CARD14: variants seen among roughly 807,000 people sequenced by gnomAD.
The protein encoded by CARD14 is caspase recruitment domain-containing protein 14.
Under a neutral mutation model 111.5 loss-of-function variants are expected in CARD14, and 107 were observed. That is an observed-to-expected ratio of 0.96 (90% CI 0.82 to 1.13). The LOEUF (loss-of-function observed/expected upper bound fraction) is 1.13, where lower values mean the gene tolerates loss of function less well. Ranked by LOEUF, CARD14 falls within the 50% of genes most tolerant of loss-of-function variation. The probability of loss-of-function intolerance (pLI) is 0.00; values close to 1 mark genes in which losing one functional copy is unlikely to be tolerated. For missense variants in CARD14, 1,322 were observed against 1,362.3 expected, an observed-to-expected ratio of 0.97 and a Z score of 0.47; for synonymous variants, 617 against 579.6, an observed-to-expected ratio of 1.06 and a Z score of -0.93.
chr17:80,172,582 C>T (rs1033043986), intron 1 of CARD14, among the ~76,000 whole-genome samples: 11 of 152,206 alleles, frequency 7.2e-5, no homozygotes, highest in African/African-American at 2.7e-4. Context: ...GCTGGTGTCC[C>T]CGCTGTAGCT....
Position 80,204,262 on chromosome 17 carries a change from C to T in CARD14, c.2319C>T (p.Ile773=), listed in dbSNP as rs747692472. 7 of 1,598,694 alleles carry T rather than the reference C, an allele frequency of 4.4e-6. No individual in the cohort carries two copies. The highest frequency in any genetic ancestry group is 5.1e-6 in the Non-Finnish European group (6 of 1,168,128). Residue 773 remains isoleucine, a synonymous_variant, in exon 20 of 24, where the codon ATC becomes ATT. Coordinates refer to ENST00000648509, the MANE Select transcript of CARD14 (RefSeq NM_001366385.1). ...SSGGPQKLVR[I]VSMDKAKASP... is the part of the protein sequence containing the mutation. ...GGGGACCACAGAAGCTGGTCCGCAT[C>T]GTCAGTATGGACAAAGCCAAGGCCA...
chr17:80,180,742 A>G (rs1017559828), intron 4 of CARD14, among the ~76,000 whole-genome samples: 43 of 145,336 alleles, frequency 3.0e-4, no homozygotes. Flanking sequence ...CCCTACTGTT[A>G]TTTGTTTGTT....
intron 7 of CARD14, chr17:80,187,914 G>C: frequency 1.0e-6 from 1 of 985,714 alleles, no homozygotes; most frequent in Non-Finnish European, 1.2e-6. Flanking sequence ...CCCCGGTCCC[G>C]CGTTCCCAGG....
In CARD14 at chr17:80,195,235, G is replaced by C. The variant is rs747400015; in HGVS notation, c.1401G>C (p.Leu467=). 2.1e-5 allele frequency: 34 copies of C among 1,612,140 alleles called. No individual in the cohort carries two copies. In the South Asian group the frequency reaches 3.6e-4, roughly 17 times the overall value. Residue 467 remains leucine, a synonymous_variant, in exon 13 of 24, where the codon CTG becomes CTC. Transcript: ENST00000648509. The surrounding 1 kb of genome is among the most constrained non-coding windows in gnomAD (Gnocchi z 4.7). ...SDLSATSSRE[L]VDSFRSSSPA... ...TGAGTGCCACGTCCAGCCGCGAGCTGGTGGACAGCTTCCGCTCCAGCAGCC... is the reference window on the plus strand; with the variant it reads ...TGAGTGCCACGTCCAGCCGCGAGCTCGTGGACAGCTTCCGCTCCAGCAGCC...
chr17:80,178,281 G>T (rs114435089), intron 2 of CARD14, among the ~76,000 whole-genome samples: 76 of 152,290 alleles, frequency 5.0e-4, no homozygotes, highest in African/African-American at 1.8e-3. Context: ...GTAGTCTAGG[G>T]TTCAAAGCCC....
rs2041243424 is a variant in CARD14 at position 80,205,414 on chromosome 17, TAAG to T, written c.2570-112_2570-110del. On this transcript the variant is annotated intron_variant, in intron 21 of 23. Coordinates refer to ENST00000648509, the MANE Select transcript of CARD14 (RefSeq NM_001366385.1). ...GGTCAGGTTTGTAAAGTGGACATCCTAAGAAGAGCTTCTCCCAGTGCTGGCAGG... is the reference window on the plus strand; with the variant it reads ...GGTCAGGTTTGTAAAGTGGACATCCTAAGAGCTTCTCCCAGTGCTGGCAGG... 9.3e-6 allele frequency: 13 copies of T among 1,405,062 alleles called. No homozygotes were observed. The Admixed American group carries it at 1.3e-4, about 14-fold the overall frequency. The allele number at this position is 1,405,062 out of a possible 1,614,324, so 87.0% of individuals were successfully genotyped here. A position where few individuals can be genotyped will look rare whatever the true frequency, so the allele number is the denominator to read the frequency against.
At chr17:80,180,327 G>A (rs781564402) in intron 4 of CARD14, among the ~76,000 whole-genome samples, 17 of 152,344 alleles carry the variant, frequency 1.1e-4, no homozygotes, top group Non-Finnish European at 2.5e-4. Flanking sequence ...CCCCAGATCA[G>A]CTGCAGCTCA....
At chr17:80,190,987 C>A (rs55952112) in intron 10 of CARD14, 88 bp downstream of exon 10, 1 of 1,516,632 alleles carries the variant, frequency 6.6e-7, no homozygotes, top group Non-Finnish European at 8.9e-7. Flanking sequence ...TGGCTCCCTG[C>A]CCTTGATGGC....
chr17:80,208,281 G>C lies in CARD14; in HGVS notation c.2951G>C (p.Cys984Ser), dbSNP rs370253085. ...GWSDLDGLLSCVRQAIADEQK... is the reference protein window; with the variant it reads ...GWSDLDGLLSSVRQAIADEQK... ...AGCGACCTGGACGGCCTGCTCAGCT[G>C]TGTCCGCCAGGCCATCGCCGACGAG... Residue 984 changes from cysteine (C) to serine (S), a missense_variant, in exon 24 of 24, where the codon TGT (cysteine) becomes TCT (serine). Transcript: ENST00000648509. The C allele has an allele frequency of 6.2e-7, 1 of 1,600,080 alleles. No individual in the cohort carries two copies. Among genetic ancestry groups the C allele is most frequent in the Non-Finnish European group, 8.5e-7 (1 of 1,174,948 alleles).
At position 80,189,630 on chromosome 17, in the gene CARD14, TG is replaced by T; in HGVS notation, c.844-121del. The T allele has an allele frequency of 8.1e-7, 1 of 1,233,532 alleles. No homozygotes were observed. The highest frequency in any genetic ancestry group is 1.1e-6 in the Non-Finnish European group (1 of 932,406). The allele number at this position is 1,233,532 out of a possible 1,614,324, so 76.4% of individuals were successfully genotyped here. On this transcript the variant is annotated intron_variant, in intron 8 of 23. Coordinates refer to ENST00000648509, the MANE Select transcript of CARD14 (RefSeq NM_001366385.1). This position sits in a 1 kb window ranked among gnomAD's most constrained non-coding sequence, Gnocchi z 4.7. ...GGCTTCTCTCCTGCCCGGTGTAGAGTGGCAAGACTGCATCCGTCCACACACC... is the reference window on the plus strand; with the variant it reads ...GGCTTCTCTCCTGCCCGGTGTAGAGTGCAAGACTGCATCCGTCCACACACC...
At chr17:80,190,628 A>ATG in intron 9 of CARD14, 146 bp from the exon 10 acceptor site, 1 of 481,432 alleles carries the variant, frequency 2.1e-6, no homozygotes, top group Non-Finnish European at 3.3e-6. Context: ...AAAAAAAAAA[A>ATG]AGAGAGAGAG....
intron 4 of CARD14, among the ~76,000 whole-genome samples, chr17:80,180,569 A>T (rs1281182343): frequency 6.6e-6 from 1 of 152,074 alleles, no homozygotes; most frequent in African/African-American, 2.4e-5. Context: ...AGTTGAAAAC[A>T]ATGGGAACTT....
chr17:80,191,766 G>A (rs969412212), intron 11 of CARD14, among the ~76,000 whole-genome samples: 2 of 152,264 alleles, frequency 1.3e-5, no homozygotes, highest in Admixed American at 1.3e-4. Context: ...TGTGGAGTGT[G>A]GTGATGGATG....
In CARD14 at chr17:80,198,674, C is replaced by T. The variant is rs1280289362; in HGVS notation, c.1851+83C>T. ...GGTGGGGTGACCCAGGCAGACTTCA[C>T]CTCCCCCAGACGATGCAGATCCACT... On this transcript the variant is annotated intron_variant, in intron 16 of 23. Coordinates refer to ENST00000648509, the MANE Select transcript of CARD14 (RefSeq NM_001366385.1). The surrounding 1 kb of genome is among the most constrained non-coding windows in gnomAD (Gnocchi z 7.5). 8.7e-6 allele frequency: 14 copies of T among 1,607,064 alleles called. No homozygotes were observed. Among genetic ancestry groups the T allele is most frequent in the East Asian group, 4.5e-5 (2 of 44,850 alleles).
chr17:80,182,797 G>T lies in CARD14; in HGVS notation c.349+7G>T. 6.2e-7 allele frequency: 1 copy of T among 1,614,078 alleles called. No homozygotes were observed. Among genetic ancestry groups the T allele is most frequent in the Non-Finnish European group, 8.5e-7 (1 of 1,179,944 alleles). On this transcript the variant is annotated splice_region_variant and intron_variant, in intron 6 of 23. Transcript: ENST00000648509. The surrounding 1 kb of genome is among the most constrained non-coding windows in gnomAD (Gnocchi z 4.7). ...GACTTCAGTAACTTTAGCGGTGAGA[G>T]CTCCGACTTTGACGGTTTGGCAGGC... is the stretch of plus-strand genomic sequence containing the variant.
intron 5 of CARD14, 92 bp downstream of exon 5, chr17:80,181,741 G>A (rs1281125186): frequency 3.1e-5 from 37 of 1,176,172 alleles, no homozygotes; most frequent in South Asian, 9.3e-5. Context: ...GTCTCTTCTC[G>A]TCCTGTCTCT....
Position 80,182,666 on chromosome 17 carries a change from T to C in CARD14, c.225T>C (p.Asp75=). ...CTGCCTCCCAAGGGCACTTGCTGGA[T>C]TTGCTGAAGACTCGAGGGAAGAACG... ...NSAMRAGHLL[D]LLKTRGKNGA... The change falls in exon 6 of 24, where the codon GAT becomes GAC. Residue 75 remains aspartate, a synonymous_variant. Coordinates refer to ENST00000648509, the MANE Select transcript of CARD14 (RefSeq NM_001366385.1). The surrounding 1 kb of genome is among the most constrained non-coding windows in gnomAD (Gnocchi z 4.7). 4.3e-6 allele frequency: 7 copies of C among 1,614,064 alleles called. No individual in the cohort carries two copies. Among genetic ancestry groups the C allele is most frequent in the Non-Finnish European group, 5.9e-6 (7 of 1,179,994 alleles).
chr17:80,201,794 G>C lies in CARD14; in HGVS notation c.1902G>C (p.Thr634=). The change falls in exon 17 of 24, where the codon ACG becomes ACC. Residue 634 remains threonine (T), a synonymous_variant. Coordinates refer to ENST00000648509, the MANE Select transcript of CARD14 (RefSeq NM_001366385.1). The surrounding 1 kb of genome is among the most constrained non-coding windows in gnomAD (Gnocchi z 5.0). ...EPLFKAVLED[T]TLEEAVGLLR... ...TGTTCAAGGCAGTCCTGGAGGACACGACCCTGGAGGAGGCCGTGGGGCTTC... is the reference window on the plus strand; with the variant it reads ...TGTTCAAGGCAGTCCTGGAGGACACCACCCTGGAGGAGGCCGTGGGGCTTC... 1 of 1,613,984 alleles carries C rather than the reference G, an allele frequency of 6.2e-7. No individual in the cohort carries two copies. Among genetic ancestry groups the C allele is most frequent in the South Asian group, 1.1e-5 (1 of 91,074 alleles).
intron 4 of CARD14, among the ~76,000 whole-genome samples, chr17:80,180,310 G>A (rs1384065860): frequency 6.6e-6 from 1 of 152,224 alleles, no homozygotes; most frequent in African/African-American, 2.4e-5. Flanking sequence ...ATCAGCCCTG[G>A]TGGTGGCCCC....
Sources: allele counts gnomAD v4.1 joint callset (sites outside exome capture counted in the v4.1 genomes callset), GRCh38; gene constraint gnomAD v4.1.1; non-coding constraint Gnocchi (gnomAD v3.1); transcripts MANE v1.5; gene names NCBI Gene and HGNC (gene_info 2026-07-23, HGNC 2026-07-21).